The following COG5 variants were observed in gnomAD, a reference collection of about 807,000 sequenced individuals.
COG5 encodes conserved oligomeric Golgi complex subunit 5.
In COG5, 86 loss-of-function variants were observed where a neutral mutation model predicts 110.4. That is an observed-to-expected ratio of 0.78 (90% confidence interval 0.65 to 0.93). The LOEUF is 0.93. Among genes scored for constraint, COG5 ranks in the 40% least tolerant of loss-of-function variants. COG5 has a pLI of 0.00. For synonymous variants in COG5, 360 were observed against 334.6 expected, an observed-to-expected ratio of 1.08 and a Z score of -0.83; for missense variants, 1,077 against 987.0, an observed-to-expected ratio of 1.09 and a Z score of -1.22.
At chr7:107,423,149 A>T (rs1193935897) in intron 6 of COG5, among the ~76,000 whole-genome samples, 5 of 151,362 alleles carry the variant, frequency 3.3e-5, no homozygotes, top group African/African-American at 1.2e-4. Flanking sequence ...GATCAAAAAA[A>T]GGCATCTTTC....
chr7:107,211,300 C>T, intron 19 of COG5, 75 bp from the exon 20 acceptor site: 2 of 1,525,416 alleles, frequency 1.3e-6, no homozygotes, highest in Non-Finnish European at 1.8e-6. Context: ...AATCATTCTC[C>T]TTGTAGAATA....
Position 107,362,337 on chromosome 7 carries a change from T to C in COG5, c.919A>G (p.Met307Val). ...CCACAAACAGCATAAATATGATCCA[T>C]AAGTTTCTCCATATTGGTCCAGAAT... Reference protein sequence around the residue: ...ASFWTNMEKLMDHIYAVCGQV... With the variant: ...ASFWTNMEKLVDHIYAVCGQV... The change falls in exon 9 of 22, where the codon ATG becomes GTG. Residue 307 changes from methionine to valine, a missense_variant. Physicochemically the swap from Met to Val is conservative, Grantham distance 21. Coordinates refer to ENST00000297135, the MANE Select transcript of COG5 (RefSeq NM_006348.5). 1 of 1,612,072 alleles carries C rather than the reference T, an allele frequency of 6.2e-7. No homozygotes were observed. Among genetic ancestry groups the C allele is most frequent in the South Asian group, 1.1e-5 (1 of 91,048 alleles).
chr7:107,362,281 GTTTTTTCCACTCCTTC>G lies in COG5; in HGVS notation c.948+11_948+26del. ...TAACCAGGAGTTAATCCATATTAATGTTTTTTCCACTCCTTCAAATATTTACCTGTCCACAAACAGC... is the reference window on the plus strand; with the variant it reads ...TAACCAGGAGTTAATCCATATTAATGAAATATTTACCTGTCCACAAACAGC... On this transcript the variant is annotated intron_variant, in intron 9 of 21. Coordinates refer to ENST00000297135, the MANE Select transcript of COG5 (RefSeq NM_006348.5). 6.4e-7 allele frequency: 1 copy of G among 1,556,444 alleles called. No individual in the cohort carries two copies. Among genetic ancestry groups the G allele is most frequent in the Non-Finnish European group, 8.9e-7 (1 of 1,128,184 alleles).
chr7:107,434,000 TATAAA>T (rs1318237974), intron 6 of COG5, among the ~76,000 whole-genome samples: 4 of 152,168 alleles, frequency 2.6e-5, no homozygotes, highest in Non-Finnish European at 5.9e-5. Context: ...GGGCAAAGAA[TATAAA>T]TAGACATTTC....
At chr7:107,208,415 G>A in intron 21 of COG5, 1 of 985,430 alleles carries the variant, frequency 1.0e-6, no homozygotes, top group South Asian at 4.7e-5. Context: ...TGTTTTGGAT[G>A]AACTCATTCC....
At chr7:107,545,814 G>GA in intron 5 of COG5, among the ~76,000 whole-genome samples, 1 of 137,926 alleles carries the variant, frequency 7.3e-6, no homozygotes, top group South Asian at 2.4e-4. Context: ...AGAAAAGAAA[G>GA]AAAAAAACCA....
chr7:107,526,071 G>T (rs1800711632), intron 6 of COG5, among the ~76,000 whole-genome samples: 1 of 152,158 alleles, frequency 6.6e-6, no homozygotes, highest in Non-Finnish European at 1.5e-5. Flanking sequence ...AGCATAGCAT[G>T]ACTATATAAT....
At position 107,461,589 on chromosome 7, in the gene COG5, C is replaced by G. The variant is rs142856430; in HGVS notation, c.539-48957G>C. On this transcript the variant is annotated intron_variant, in intron 6 of 21. Transcript: ENST00000297135. ...CTTGGCTACGGCAATAAGGCAAGAC[C>G]AAAACAGATTTAAGATTGAAAAGGA... Among the ~76,000 whole-genome samples, 6 of 151,938 alleles carry G rather than the reference C, an allele frequency of 3.9e-5. 1 individual carries two copies. In the East Asian group the frequency reaches 1.2e-3, roughly 29 times the overall value.
chr7:107,519,686 C>T (rs575996460), intron 6 of COG5, among the ~76,000 whole-genome samples: 4 of 152,222 alleles, frequency 2.6e-5, no homozygotes, highest in Admixed American at 1.3e-4. Context: ...CAGGACCAGA[C>T]GGATTCACAG....
At chr7:107,206,511 C>T (rs1161687391) in intron 21 of COG5, among the ~76,000 whole-genome samples, 2 of 152,190 alleles carry the variant, frequency 1.3e-5, no homozygotes, top group African/African-American at 4.8e-5. Context: ...TCTCCACTCC[C>T]CAAATGTAGT....
intron 5 of COG5, among the ~76,000 whole-genome samples, chr7:107,541,523 A>AAT (rs1554460370): frequency 0.071 from 4,033 of 56,660 alleles, 248 homozygotes; most frequent in African/African-American, 0.11. Flanking sequence ...AAAAAAAAAA[A>AAT]ATATATATAT....
chr7:107,482,373 T>C (rs563732260), intron 6 of COG5, among the ~76,000 whole-genome samples: 33 of 152,138 alleles, frequency 2.2e-4, no homozygotes, highest in African/African-American at 7.7e-4. Context: ...CTCAAACTCC[T>C]GGTCTCAAGC....
At position 107,202,037 on chromosome 7, in the gene COG5, G is replaced by A. The variant is rs1584513626; in HGVS notation, c.*1479C>T. 1 of 152,692 alleles carries A rather than the reference G, an allele frequency of 6.5e-6. No individual in the cohort carries two copies. Among genetic ancestry groups the A allele is most frequent in the Non-Finnish European group, 1.5e-5 (1 of 68,060 alleles). The allele number at this position is 152,692 out of a possible 1,614,324, so 9.5% of individuals were successfully genotyped here. On this transcript the variant is annotated 3_prime_UTR_variant, in exon 22 of 22. Transcript: ENST00000297135. ...CCTGCTGCAGTTACCATGGCATGCTGAGTTGATGCACCAGGTGGCAGCAGC... is the reference window on the plus strand; with the variant it reads ...CCTGCTGCAGTTACCATGGCATGCTAAGTTGATGCACCAGGTGGCAGCAGC...
intron 9 of COG5, 49 bp from the exon 10 acceptor site, chr7:107,362,159 G>T: frequency 1.4e-6 from 2 of 1,470,832 alleles, no homozygotes; most frequent in East Asian, 2.3e-5. Flanking sequence ...AGCAAGAAAA[G>T]GGAAATGGCA....
At chr7:107,524,629 T>G (rs1164311860) in intron 6 of COG5, among the ~76,000 whole-genome samples, 1 of 152,208 alleles carries the variant, frequency 6.6e-6, no homozygotes, top group Non-Finnish European at 1.5e-5. Flanking sequence ...TTTCCTTGGC[T>G]TCTCCTTATT....
At chr7:107,231,018 T>C (rs954479291) in intron 18 of COG5, among the ~76,000 whole-genome samples, 1 of 152,226 alleles carries the variant, frequency 6.6e-6, no homozygotes, top group Non-Finnish European at 1.5e-5. Flanking sequence ...GCCTATACTT[T>C]AGGCATTACA....
chr7:107,518,054 C>T lies in COG5; in HGVS notation c.538+9183G>A, dbSNP rs1055273382. Among the ~76,000 whole-genome samples the T allele has an allele frequency of 3.9e-5, 6 of 152,178 alleles. No homozygotes were observed. In the South Asian group the frequency reaches 1.2e-3, roughly 32 times the overall value. ...GAATTTCATATCCAGCCAAACTAAG[C>T]TTCATGAACAAAGCAGAAATAAGAA... On this transcript the variant is annotated intron_variant, in intron 6 of 21. Coordinates refer to ENST00000297135, the MANE Select transcript of COG5 (RefSeq NM_006348.5).
At chr7:107,228,382 A>T (rs890075189) in intron 19 of COG5, among the ~76,000 whole-genome samples, 5 of 151,864 alleles carry the variant, frequency 3.3e-5, no homozygotes, top group Non-Finnish European at 1.5e-5. Flanking sequence ...TTTTTCAATA[A>T]CTAGATGGTT....
intron 19 of COG5, among the ~76,000 whole-genome samples, chr7:107,221,735 A>G (rs905629781): frequency 6.6e-6 from 1 of 150,966 alleles, no homozygotes; most frequent in African/African-American, 2.4e-5. Context: ...ACTGCACTCC[A>G]GCCTGGGTGA....
Sources: gnomAD v4.1 joint callset for allele counts (sites outside exome capture counted in the v4.1 genomes callset) on GRCh38, gnomAD v4.1.1 for gene constraint, MANE v1.5 for transcripts, NCBI Gene and HGNC (gene_info 2026-07-23, HGNC 2026-07-21) for gene names.